The following SORCS2 variants were observed in gnomAD, a reference collection of about 807,000 sequenced individuals.
SORCS2 encodes the protein sortilin related VPS10 domain containing receptor 2.
In SORCS2, 100 loss-of-function variants were observed where a neutral mutation model predicts 141.6. The observed-to-expected ratio is 0.71, with a 90% CI of 0.60 to 0.83. The LOEUF is 0.83. Ranked by LOEUF, SORCS2 falls within the 40% of genes least tolerant of loss-of-function variation. The pLI is 0.00. For missense variants in SORCS2, 1,646 were observed against 1,560.2 expected, an observed-to-expected ratio of 1.05 and a Z score of -0.93; for synonymous variants, 789 against 676.9, an observed-to-expected ratio of 1.17 and a Z score of -2.57.
chr4:7,403,896 AC>A (rs71645797), intron 2 of SORCS2, among the ~76,000 whole-genome samples: 2 of 135,000 alleles, frequency 1.5e-5, no homozygotes, highest in Non-Finnish European at 1.6e-5. Flanking sequence ...TGAATACTCC[AC>A]CCCCCCGTAC....
At chr4:7,293,411 G>A (rs933853117) in intron 1 of SORCS2, among the ~76,000 whole-genome samples, 4 of 152,070 alleles carry the variant, frequency 2.6e-5, no homozygotes, top group African/African-American at 7.2e-5. Flanking sequence ...GACCTCCTGC[G>A]GTCCTTGTAG....
intron 2 of SORCS2, among the ~76,000 whole-genome samples, chr4:7,441,747 C>G (rs1374077386): frequency 1.2e-5 from 1 of 80,526 alleles, no homozygotes; most frequent in African/African-American, 5.5e-5. Context: ...CCTCCCCCAG[C>G]CCAGATCACC....
chr4:7,562,625 T>G (rs1255386917), intron 3 of SORCS2, among the ~76,000 whole-genome samples: 1 of 152,216 alleles, frequency 6.6e-6, no homozygotes, highest in Non-Finnish European at 1.5e-5. Flanking sequence ...GTCCCATGGC[T>G]GCCATAATGA....
At chr4:7,433,573 A>G in intron 2 of SORCS2, 1 of 1,611,836 alleles carries the variant, frequency 6.2e-7, no homozygotes, top group Non-Finnish European at 8.5e-7. Flanking sequence ...CTTGCACTGG[A>G]TCATATAGGG....
intron 3 of SORCS2, among the ~76,000 whole-genome samples, chr4:7,550,698 AC>A (rs953372543): frequency 6.6e-6 from 1 of 152,158 alleles, no homozygotes; most frequent in Non-Finnish European, 1.5e-5. Flanking sequence ...AAGGCAGGAA[AC>A]TTGATGGACT....
At chr4:7,409,156 T>A (rs1385491746) in intron 2 of SORCS2, among the ~76,000 whole-genome samples, 1 of 152,216 alleles carries the variant, frequency 6.6e-6, no homozygotes, top group Non-Finnish European at 1.5e-5. Flanking sequence ...TGTCTTTGCA[T>A]TAAAGGATTC....
intron 19 of SORCS2, among the ~76,000 whole-genome samples, chr4:7,724,502 TGG>T (rs1726934515): frequency 7.4e-6 from 1 of 135,808 alleles, no homozygotes; most frequent in African/African-American, 3.0e-5. Flanking sequence ...GTGGTGACAA[TGG>T]TGGTGGTGAT....
chr4:7,333,025 G>T lies in SORCS2; in HGVS notation c.481-63263G>T, dbSNP rs145490377. 7.4e-3 allele frequency among the ~76,000 whole-genome samples: 1,124 copies of T among 152,364 alleles called. 11 individuals carry two copies. Among genetic ancestry groups the T allele is most frequent in the African/African-American group, 0.026 (1,069 of 41,586 alleles). Reference sequence around the variant, plus strand: ...GTGGAAGGCACCTGGCACGGAACAGGCTCCTGGGGGCTGGTCTTTATTCAC... The same window carrying T: ...GTGGAAGGCACCTGGCACGGAACAGTCTCCTGGGGGCTGGTCTTTATTCAC... On this transcript the variant is annotated intron_variant, in intron 1 of 26. Coordinates refer to ENST00000507866, the MANE Select transcript of SORCS2 (RefSeq NM_020777.3).
At position 7,649,286 on chromosome 4, in the gene SORCS2, C is replaced by T. The variant is rs1238917411; in HGVS notation, c.814-4848C>T. 2.1e-5 allele frequency among the ~76,000 whole-genome samples: 3 copies of T among 143,032 alleles called. No individual in the cohort carries two copies. The Admixed American group carries it at 2.3e-4, about 11-fold the overall frequency. The allele number at this position is 143,032 out of a possible 152,430, so 93.8% of individuals were successfully genotyped here. On this transcript the variant is annotated intron_variant, in intron 4 of 26. Transcript: ENST00000507866. ...CCACATGTGTGAGTGAGCCCTGAGCCGAGCGTGCCTGGGGTGGGGGCATGC... is the reference window on the plus strand; with the variant it reads ...CCACATGTGTGAGTGAGCCCTGAGCTGAGCGTGCCTGGGGTGGGGGCATGC...
At chr4:7,607,928 G>A (rs1167804648) in intron 3 of SORCS2, among the ~76,000 whole-genome samples, 1 of 152,178 alleles carries the variant, frequency 6.6e-6, no homozygotes, top group Non-Finnish European at 1.5e-5. Flanking sequence ...GGCTGGCCGT[G>A]AGTGAGTTGC....
intron 1 of SORCS2, among the ~76,000 whole-genome samples, chr4:7,369,901 C>T (rs1435057361): frequency 1.3e-5 from 2 of 152,212 alleles, no homozygotes; most frequent in East Asian, 3.9e-4. Flanking sequence ...TCTCCAGCTC[C>T]CCCTCCCCAT....
At chr4:7,602,175 G>C (rs1047259491) in intron 3 of SORCS2, among the ~76,000 whole-genome samples, 2 of 152,260 alleles carry the variant, frequency 1.3e-5, no homozygotes, top group Non-Finnish European at 2.9e-5. Flanking sequence ...TTCTCAATGG[G>C]CTGCTGGGTA....
chr4:7,740,423 C>T lies in SORCS2; in HGVS notation c.*159C>T, dbSNP rs1343151851. On this transcript the variant is annotated 3_prime_UTR_variant, in exon 27 of 27. Coordinates refer to ENST00000507866, the MANE Select transcript of SORCS2 (RefSeq NM_020777.3). ...CCACCCCCTCTGATAAATCCAAGCCCGCCCAGGCCCACGGGGGGCCCACGG... is the reference window on the plus strand; with the variant it reads ...CCACCCCCTCTGATAAATCCAAGCCTGCCCAGGCCCACGGGGGGCCCACGG... 29 of 665,206 alleles carry T rather than the reference C, an allele frequency of 4.4e-5. No homozygotes were observed. Among genetic ancestry groups the T allele is most frequent in the South Asian group, 3.1e-4 (17 of 55,420 alleles). The allele number at this position is 665,206 out of a possible 1,614,324, so 41.2% of individuals were successfully genotyped here.
intron 2 of SORCS2, among the ~76,000 whole-genome samples, chr4:7,485,366 T>G (rs1807395): frequency 6.6e-6 from 1 of 151,980 alleles, no homozygotes; most frequent in Non-Finnish European, 1.5e-5. Flanking sequence ...GGCCCCGGAG[T>G]TGCCTCCACA....
At chr4:7,493,765 G>A (rs1401072200) in intron 2 of SORCS2, among the ~76,000 whole-genome samples, 1 of 152,206 alleles carries the variant, frequency 6.6e-6, no homozygotes, top group African/African-American at 2.4e-5. Flanking sequence ...ATGCCATATG[G>A]AAGACACCGC....
intron 1 of SORCS2, among the ~76,000 whole-genome samples, chr4:7,388,558 C>T (rs1007191508): frequency 6.6e-6 from 1 of 152,150 alleles, no homozygotes; most frequent in Admixed American, 6.5e-5. Context: ...TCCCCGCTTC[C>T]CCACCCACAG....
intron 2 of SORCS2, among the ~76,000 whole-genome samples, chr4:7,468,360 T>C (rs1577614012): frequency 6.6e-6 from 1 of 152,220 alleles, no homozygotes; most frequent in South Asian, 2.1e-4. Flanking sequence ...GCTGCTCCCA[T>C]CCCCCTCACG....
At position 7,288,095 on chromosome 4, in the gene SORCS2, C is replaced by T. The variant is rs189045139; in HGVS notation, c.480+94969C>T. On this transcript the variant is annotated intron_variant, in intron 1 of 26. Coordinates refer to ENST00000507866, the MANE Select transcript of SORCS2 (RefSeq NM_020777.3). The stretch of plus-strand genomic sequence containing the variant: ...TCCGGTGATTTCAGATGGGGCTCCC[C>T]GGGGTTTCGATGCAGTGTTTAAGCA... Among the ~76,000 whole-genome samples the T allele has an allele frequency of 4.7e-4, 71 of 152,210 alleles. 2 individuals are homozygous for T. The highest frequency in any genetic ancestry group is 2.3e-3 in the South Asian group (11 of 4,822).
chr4:7,593,044 G>C (rs1417521861), intron 3 of SORCS2, among the ~76,000 whole-genome samples: 1 of 152,086 alleles, frequency 6.6e-6, no homozygotes, highest in African/African-American at 2.4e-5. Context: ...GGGTTGATAG[G>C]GCTCAGCCAG....
Sources: gnomAD v4.1 joint callset for allele counts (sites outside exome capture counted in the v4.1 genomes callset) on GRCh38, gnomAD v4.1.1 for gene constraint, MANE v1.5 for transcripts, NCBI Gene and HGNC (gene_info 2026-07-23, HGNC 2026-07-21) for gene names.